The following ALPG variants were observed in gnomAD, a reference collection of about 807,000 sequenced individuals.
ALPG encodes the protein alkaline phosphatase, germ cell.
ALPG carries 32 observed loss-of-function variants against 48.6 expected under a neutral mutation model. The observed-to-expected ratio is 0.66, with a 90% CI of 0.50 to 0.88. The LOEUF is 0.88. ALPG is among the 40% of genes least tolerant of loss of function. The pLI, the probability that ALPG is intolerant of heterozygous loss-of-function variation, is 0.00. For missense variants in ALPG, 533 were observed against 718.1 expected (o/e 0.74, Z 2.95); for synonymous variants, 244 against 308.9 (o/e 0.79, Z 2.20).
At chr2:232,406,985 C>G in intron 1 of ALPG, 24 bp downstream of exon 1, 1 of 1,579,768 alleles carries the variant, frequency 6.3e-7, no homozygotes, top group Non-Finnish European at 8.6e-7. Context: ...CCCAGCTGCC[C>G]CTACACACAC....
chr2:232,407,165 T>G lies in ALPG; in HGVS notation c.176T>G (p.Leu59Arg), dbSNP rs1433136146. The change falls in exon 2 of 11, where the codon CTG becomes CGG. Residue 59 changes from leucine to arginine, a missense_variant. Around this residue, in one of 6 missense-constraint regions of ALPG, gnomAD observed 315 missense variants for 305.8 expected, o/e 1.03. Transcript: ENST00000295453. Reference protein sequence around the residue: ...QTAAKNLIIFLGDGMGVSTVT... With the variant: ...QTAAKNLIIFRGDGMGVSTVT... The stretch of plus-strand genomic sequence containing the variant: ...GCCGCCAAGAACCTCATCATCTTCC[T>G]GGGTGACGGTGAGTGAGCCAGGCCT... 1.2e-6 allele frequency: 2 copies of G among 1,613,968 alleles called. No individual in the cohort carries two copies. Among genetic ancestry groups the G allele is most frequent in the Non-Finnish European group, 1.7e-6 (2 of 1,180,016 alleles).
At chr2:232,409,252 C>T in intron 9 of ALPG, 80 bp from the exon 10 acceptor site, 1 of 1,588,862 alleles carries the variant, frequency 6.3e-7, no homozygotes. Flanking sequence ...CCTGACCAGG[C>T]AAAACGTGGC....
In ALPG at chr2:232,409,794, G is replaced by T. The variant is rs758156383; in HGVS notation, c.1521G>T (p.Pro507=). The part of the protein sequence containing the change: ...PRAGTTDAAH[P]GPSVVPALLP... Reference sequence around the variant, plus strand: ...CCGGCACCACCGACGCCGCGCACCCGGGGCCGTCCGTGGTCCCCGCGTTGC... The same window carrying T: ...CCGGCACCACCGACGCCGCGCACCCTGGGCCGTCCGTGGTCCCCGCGTTGC... The change falls in exon 11 of 11, where the codon CCG becomes CCT. Residue 507 remains proline (P), a synonymous_variant. Transcript: ENST00000295453. 1.9e-6 allele frequency: 3 copies of T among 1,598,518 alleles called. No homozygotes were observed. The East Asian group carries it at 6.7e-5, about 36-fold the overall frequency.
Position 232,409,560 on chromosome 2 carries a change from A to C in ALPG, c.1301-14A>C. 1 of 1,612,506 alleles carries C rather than the reference A, an allele frequency of 6.2e-7. No homozygotes were observed. Among genetic ancestry groups the C allele is most frequent in the Non-Finnish European group, 8.5e-7 (1 of 1,179,416 alleles). On this transcript the variant is annotated splice_polypyrimidine_tract_variant and intron_variant, in intron 10 of 10. Coordinates refer to ENST00000295453, the MANE Select transcript of ALPG (RefSeq NM_031313.3). ...GAACTGAAACTTCCTACTGAAACTG[A>C]ACCCTCCAACCAGGGAGCCCCGAGT... is the stretch of plus-strand genomic sequence containing the variant.
intron 9 of ALPG, 36 bp from the exon 10 acceptor site, chr2:232,409,296 T>C: frequency 7.5e-7 from 1 of 1,327,290 alleles, no homozygotes; most frequent in South Asian, 1.2e-5. Context: ...TCCACAGCTG[T>C]GTTCAGCTCA....
rs371228725 is a variant in ALPG, at chr2:232,407,842, C to T, written c.476-3C>T. On this transcript the variant is annotated splice_polypyrimidine_tract_variant and splice_region_variant and intron_variant, in intron 4 of 10. Transcript: ENST00000295453. The stretch of plus-strand genomic sequence containing the variant: ...CGCATATCCTGACCTCTATCACCCT[C>T]AGGAAAGTCAGTGGGAGTGGTAACC... 54 of 1,613,328 alleles carry T rather than the reference C, an allele frequency of 3.3e-5. No homozygotes were observed. Among genetic ancestry groups the T allele is most frequent in the Admixed American group, 6.7e-5 (4 of 60,008 alleles).
At chr2:232,407,473 G>A in intron 3 of ALPG, 72 bp downstream of exon 3, 1 of 1,592,804 alleles carries the variant, frequency 6.3e-7, no homozygotes, top group Non-Finnish European at 8.6e-7. Flanking sequence ...TGGTAGGAGG[G>A]AGGGACCCTA....
At position 232,407,617 on chromosome 2, in the gene ALPG, G is replaced by C. The variant is rs766003801; in HGVS notation, c.324G>C (p.Val108=). 1 of 1,613,882 alleles carries C rather than the reference G, an allele frequency of 6.2e-7. No homozygotes were observed. Among genetic ancestry groups the C allele is most frequent in the Non-Finnish European group, 8.5e-7 (1 of 1,180,012 alleles). ...AGACATACAGTGTAGACAAGCATGT[G>C]CCAGACAGTGGAGCCACAGCCACGG... is the stretch of plus-strand genomic sequence containing the variant. ...LSKTYSVDKH[V]PDSGATATAY... The change falls in exon 4 of 11, where the codon GTG becomes GTC. Residue 108 remains valine, a synonymous_variant. Coordinates refer to ENST00000295453, the MANE Select transcript of ALPG (RefSeq NM_031313.3).
Position 232,409,876 on chromosome 2 carries a change from T to C in ALPG, c.*4T>C. 1 of 1,556,874 alleles carries C rather than the reference T, an allele frequency of 6.4e-7. No homozygotes were observed. The highest frequency in any genetic ancestry group is 8.6e-7 in the Non-Finnish European group (1 of 1,156,860). The stretch of plus-strand genomic sequence containing the variant: ...GGGGACGGCCACTGCTCCCTGAGTG[T>C]CCCGTCCCTGGGGCTCCTGCTTCCC... On this transcript the variant is annotated 3_prime_UTR_variant, in exon 11 of 11. Transcript: ENST00000295453.
chr2:232,407,846 A>G lies in ALPG; in HGVS notation c.477A>G (p.Gly159=), dbSNP rs767500608. The G allele has an allele frequency of 3.1e-6, 5 of 1,613,414 alleles. No individual in the cohort carries two copies. In the Admixed American group the frequency reaches 6.7e-5, roughly 22 times the overall value. ...TATCCTGACCTCTATCACCCTCAGGAAAGTCAGTGGGAGTGGTAACCACCA... is the reference window on the plus strand; with the variant it reads ...TATCCTGACCTCTATCACCCTCAGGGAAGTCAGTGGGAGTGGTAACCACCA... The part of the protein sequence containing the change: ...ISVMNRAKKA[G]KSVGVVTTTR... The change falls in exon 5 of 11, where the codon GGA becomes GGG. Residue 159 remains glycine (G), a splice_region_variant and synonymous_variant. Transcript: ENST00000295453.
chr2:232,409,529 T>C (rs1266376709), intron 10 of ALPG, 45 bp from the exon 11 acceptor site: 1 of 1,611,408 alleles, frequency 6.2e-7, no homozygotes, highest in South Asian at 1.1e-5. Context: ...ACCTCTTGTC[T>C]GCCTGGAACT....
rs140844651 is a variant in ALPG at position 232,407,319 on chromosome 2, T to C, written c.218T>C (p.Ile73Thr). The change falls in exon 3 of 11, where the codon ATC becomes ACC. Residue 73 changes from isoleucine (I) to threonine (T), a missense_variant. This residue lies in a region of ALPG where 315 missense variants were observed against 305.8 expected (regional missense o/e 1.03). Transcript: ENST00000295453. ...GTGTCTACGGTGACAGCTGCCAGGA[T>C]CCTAAAAGGGCAGAAGAAGGACAAA... ...MGVSTVTAARILKGQKKDKLG... is the reference protein window; with the variant it reads ...MGVSTVTAARTLKGQKKDKLG... 1.7e-3 allele frequency: 2,773 copies of C among 1,613,798 alleles called. 10 individuals carry two copies. Among genetic ancestry groups the C allele is most frequent in the Non-Finnish European group, 1.7e-3 (2,003 of 1,179,978 alleles).
In ALPG at chr2:232,410,120, C is replaced by A. The variant is rs554896589; in HGVS notation, c.*248C>A. 214 of 624,278 alleles carry A rather than the reference C, an allele frequency of 3.4e-4. 1 individual carries two copies. In the African/African-American group the frequency reaches 3.6e-3, roughly 10 times the overall value. 38.7% of individuals were successfully genotyped at this position (624,278 alleles called of 1,614,324 possible). ...CTGGGGATTTGTGCCTGGCAGCTGC[C>A]TGCATTTCAGGAAAAGAGGAGGCTC... On this transcript the variant is annotated 3_prime_UTR_variant, in exon 11 of 11. Coordinates refer to ENST00000295453, the MANE Select transcript of ALPG (RefSeq NM_031313.3).
Position 232,407,916 on chromosome 2 carries a change from G to A in ALPG, c.547G>A (p.Val183Met), listed in dbSNP as rs370845315. Residue 183 changes from valine (V) to methionine (M), a missense_variant, in exon 5 of 11, where the codon GTG (valine) becomes ATG (methionine). Transcript: ENST00000295453. ...ASPAGAYAHT[V>M]NRNWYSDADV... ...GCCAGCCGGCGCCTACGCCCACACGGTGAACCGCAACTGGTACTCGGATGC... is the reference window on the plus strand; with the variant it reads ...GCCAGCCGGCGCCTACGCCCACACGATGAACCGCAACTGGTACTCGGATGC... The A allele has an allele frequency of 6.2e-6, 10 of 1,613,378 alleles. No individual in the cohort carries two copies. The highest frequency in any genetic ancestry group is 8.5e-6 in the Non-Finnish European group (10 of 1,180,028).
chr2:232,407,699 C>G lies in ALPG; in HGVS notation c.406C>G (p.Arg136Gly). 3 of 1,613,800 alleles carry G rather than the reference C, an allele frequency of 1.9e-6. No individual in the cohort carries two copies. In the South Asian group the frequency reaches 3.3e-5, roughly 18 times the overall value. ...FQTIGLSAAARFNQCNTTRGN... is the reference protein window; with the variant it reads ...FQTIGLSAAAGFNQCNTTRGN... ...GACCATTGGCTTGAGTGCAGCCGCCCGCTTTAACCAGTGCAACACGACACG... is the reference window on the plus strand; with the variant it reads ...GACCATTGGCTTGAGTGCAGCCGCCGGCTTTAACCAGTGCAACACGACACG... Residue 136 changes from arginine to glycine, a missense_variant, in exon 4 of 11, where the codon CGC becomes GGC. By Grantham distance (125) the Arg-to-Gly change is moderately radical. This residue lies in a region of ALPG where 315 missense variants were observed against 305.8 expected (regional missense o/e 1.03). Transcript: ENST00000295453.
Position 232,407,991 on chromosome 2 carries a change from C to T in ALPG, c.622C>T (p.Gln208Ter), listed in dbSNP as rs754390834. The T allele has an allele frequency of 6.2e-7, 1 of 1,612,488 alleles. No homozygotes were observed. The highest frequency in any genetic ancestry group is 8.5e-7 in the Non-Finnish European group (1 of 1,179,604). Reference sequence around the variant, plus strand: ...GGAGGGGTGCCAGGACATCGCCACGCAGCTCATCTCCAACATGGACATTGA... The same window carrying T: ...GGAGGGGTGCCAGGACATCGCCACGTAGCTCATCTCCAACATGGACATTGA... The part of the protein sequence containing the change: ...RQEGCQDIAT[Q>*]LISNMDIDVI... Residue 208 changes from glutamine to a stop codon, truncating the protein, a stop_gained, in exon 5 of 11, where the codon CAG (glutamine) becomes TAG (stop). Transcript: ENST00000295453. LOFTEE classifies it high-confidence loss of function.
In ALPG at chr2:232,409,943, C is replaced by T. The variant is rs1010386738; in HGVS notation, c.*71C>T. 5 of 1,470,298 alleles carry T rather than the reference C, an allele frequency of 3.4e-6. No individual in the cohort carries two copies. The highest frequency in any genetic ancestry group is 1.4e-5 in the African/African-American group (1 of 71,068). The allele number at this position is 1,470,298 out of a possible 1,614,324, so 91.1% of individuals were successfully genotyped here. On this transcript the variant is annotated 3_prime_UTR_variant, in exon 11 of 11. Transcript: ENST00000295453. ...TGCTCCCCACCTCCAGTCGTCCTGC[C>T]GGACCTCCACCTGGAGCTGTCACCC...
At position 232,409,020 on chromosome 2, in the gene ALPG, C is replaced by T; in HGVS notation, c.1091C>T (p.Thr364Ile). The change falls in exon 9 of 11, where the codon ACC becomes ATC. Residue 364 changes from threonine (T) to isoleucine (I), a missense_variant. Physicochemically the swap from Thr to Ile is moderately conservative, Grantham distance 89 (BLOSUM62 -1). Coordinates refer to ENST00000295453, the MANE Select transcript of ALPG (RefSeq NM_031313.3). ...DDAIERAGQL[T>I]SEEDTLSLVT... ...GCCATTGAGAGGGCGGGCCAGCTCA[C>T]CAGCGAGGAGGACACGCTGAGCCTC... 1 of 1,026,212 alleles carries T rather than the reference C, an allele frequency of 9.7e-7. No individual in the cohort carries two copies. The allele number at this position is 1,026,212 out of a possible 1,614,324, so 63.6% of individuals were successfully genotyped here. A position where few individuals can be genotyped will look rare whatever the true frequency, so the allele number is the denominator to read the frequency against.
chr2:232,407,907 G>A lies in ALPG; in HGVS notation c.538G>A (p.Ala180Thr), dbSNP rs145892470. The A allele has an allele frequency of 1.5e-4, 250 of 1,613,348 alleles. No homozygotes were observed. The highest frequency in any genetic ancestry group is 4.8e-4 in the African/African-American group (36 of 74,936). ...VQHASPAGAY[A>T]HTVNRNWYSD... The stretch of plus-strand genomic sequence containing the variant: ...GCATGCCTCGCCAGCCGGCGCCTAC[G>A]CCCACACGGTGAACCGCAACTGGTA... The change falls in exon 5 of 11, where the codon GCC becomes ACC. Residue 180 changes from alanine to threonine, a missense_variant. By Grantham distance (58) the Ala-to-Thr change is moderately conservative. Coordinates refer to ENST00000295453, the MANE Select transcript of ALPG (RefSeq NM_031313.3).
Sources: gnomAD v4.1 joint callset for allele counts on GRCh38, gnomAD v4.1.1 for gene constraint, gnomAD v4.1.1 regional missense constraint, MANE v1.5 for transcripts, NCBI Gene and HGNC (gene_info 2026-07-23, HGNC 2026-07-21) for gene names.